ATP13A3: variants seen among roughly 807,000 people sequenced by gnomAD.
The protein encoded by ATP13A3 is ATPase 13A3.
In ATP13A3, 59 loss-of-function variants were observed where a neutral mutation model predicts 158.1. The ratio of observed to expected loss-of-function variants is 0.37; its 90% CI spans 0.30 to 0.46. ATP13A3 has a LOEUF of 0.46. Ranked by LOEUF, ATP13A3 falls within the 20% of genes least tolerant of loss-of-function variation. ATP13A3 has a pLI of 1.00. For synonymous variants in ATP13A3, 491 were observed against 504.3 expected, an observed-to-expected ratio of 0.97 and a Z score of 0.35; for missense variants, 1,166 against 1,525.2, an observed-to-expected ratio of 0.76 and a Z score of 3.92.
At chr3:194,434,594 T>C (rs1452551626) in intron 20 of ATP13A3, among the ~76,000 whole-genome samples, 2 of 152,130 alleles carry the variant, frequency 1.3e-5, no homozygotes, top group African/African-American at 2.4e-5. Flanking sequence ...ATAAAAGAGA[T>C]GAAGTCTGTT....
intron 30 of ATP13A3, among the ~76,000 whole-genome samples, chr3:194,420,898 C>T (rs1270895805): frequency 6.6e-6 from 1 of 150,762 alleles, no homozygotes; most frequent in Non-Finnish European, 1.5e-5. Context: ...TTACTAAGAC[C>T]ACATACAAAA....
At chr3:194,453,067 C>T (rs1718924481) in intron 10 of ATP13A3, 1 of 151,950 alleles carries the variant, frequency 6.6e-6, no homozygotes, top group East Asian at 1.9e-4. Flanking sequence ...AATCTCAAGA[C>T]TGTGGGAGAC....
At chr3:194,425,556 A>G (rs1257657779) in intron 29 of ATP13A3, 27 bp from the exon 30 acceptor site, 3 of 1,564,216 alleles carry the variant, frequency 1.9e-6, no homozygotes, top group Non-Finnish European at 1.7e-6. Flanking sequence ...AAATGTCTGC[A>G]TTAGTAAACA....
At chr3:194,441,278 A>G (rs774523225) in intron 16 of ATP13A3, 33 bp downstream of exon 16, 10 of 1,536,974 alleles carry the variant, frequency 6.5e-6, no homozygotes, top group Middle Eastern at 1.7e-4. Flanking sequence ...TTATTTTCCT[A>G]AAGTTATTTG....
At position 194,454,317 on chromosome 3, in the gene ATP13A3, G is replaced by A; in HGVS notation, c.706C>T (p.Leu236=). 1 of 1,607,406 alleles carries A rather than the reference G, an allele frequency of 6.2e-7. No individual in the cohort carries two copies. The highest frequency in any genetic ancestry group is 8.5e-7 in the Non-Finnish European group (1 of 1,174,182). Residue 236 remains leucine, a synonymous_variant, in exon 9 of 34, where the codon CTA becomes TTA. Transcript: ENST00000645319. ...ACTATGGACATAACCACAATAGCTA[G>A]AGCATAGTAATAGTATTCATCAGTG... The part of the protein sequence containing the change: ...WSTDEYYYYA[L]AIVVMSIVSI...
At chr3:194,484,809 A>C (rs1275630137) in intron 2 of ATP13A3, among the ~76,000 whole-genome samples, 1 of 152,170 alleles carries the variant, frequency 6.6e-6, no homozygotes, top group East Asian at 1.9e-4. Context: ...TAATACCAGC[A>C]CTTTGGGAGG....
At chr3:194,477,568 A>C (rs1304265574) in intron 2 of ATP13A3, among the ~76,000 whole-genome samples, 4 of 152,340 alleles carry the variant, frequency 2.6e-5, no homozygotes, top group South Asian at 2.1e-4. Context: ...TCTTCAGATC[A>C]ACCCTTCCTC....
chr3:194,430,804 C>G, intron 24 of ATP13A3, 139 bp downstream of exon 24: 2 of 602,804 alleles, frequency 3.3e-6, no homozygotes, highest in African/African-American at 1.9e-5. Context: ...ACTTAAAGTT[C>G]TGAACTATCT....
chr3:194,437,636 GAA>G, intron 17 of ATP13A3, 63 bp from the exon 18 acceptor site: 2 of 1,460,750 alleles, frequency 1.4e-6, no homozygotes, highest in Non-Finnish European at 1.8e-6. Context: ...ACTAAAGTTA[GAA>G]AAAGTTTACT....
Position 194,468,386 on chromosome 3 carries a change from T to TAAAAAAAA in ATP13A3, c.-46-6158_-46-6151dup, listed in dbSNP as rs35011462. On this transcript the variant is annotated intron_variant, in intron 2 of 33. Transcript: ENST00000645319. ...ATAAACTTGATTTGCTGTGTGAGTTTAAAAAAAAAAAAAAAAAAACAGTAT... is the reference window on the plus strand; with the variant it reads ...ATAAACTTGATTTGCTGTGTGAGTTTAAAAAAAAAAAAAAAAAAAAAAAAAAACAGTAT... 4.4e-4 allele frequency: 49 copies of TAAAAAAAA among 111,874 alleles called. 1 individual carries two copies. The highest frequency in any genetic ancestry group is 1.8e-3 in the African/African-American group (47 of 25,444). The allele number at this position is 111,874 out of a possible 1,614,324, so 6.9% of individuals were successfully genotyped here.
In ATP13A3 at chr3:194,425,259, G is replaced by A; in HGVS notation, c.3313+83C>T. 2.4e-6 allele frequency: 3 copies of A among 1,264,820 alleles called. 1 individual carries two copies. In the South Asian group the frequency reaches 4.0e-5, roughly 17 times the overall value. 78.3% of individuals were successfully genotyped at this position (1,264,820 alleles called of 1,614,324 possible). ...ATCTGTGAAGATCTGGTTTACTGTG[G>A]CAAAGACAGTTATAATTATTCTCTT... On this transcript the variant is annotated intron_variant, in intron 30 of 33. Transcript: ENST00000645319.
At chr3:194,407,585 A>C (rs886979634) in intron 33 of ATP13A3, among the ~76,000 whole-genome samples, 1 of 152,170 alleles carries the variant, frequency 6.6e-6, no homozygotes, top group South Asian at 2.1e-4. Flanking sequence ...CACCGCTCTC[A>C]ATGTTAAAGG....
At chr3:194,451,121 T>C (rs565015897) in intron 10 of ATP13A3, 27 of 152,296 alleles carry the variant, frequency 1.8e-4, no homozygotes, top group African/African-American at 5.8e-4. Context: ...AAGAAACTTA[T>C]TGTTTGTGAT....
chr3:194,429,936 G>A (rs1456095497), intron 26 of ATP13A3, 136 bp downstream of exon 26: 3 of 971,566 alleles, frequency 3.1e-6, no homozygotes, highest in African/African-American at 3.3e-5. Context: ...CAATCAATCT[G>A]TTACTAATAA....
At chr3:194,457,960 A>C (rs1483979884) in intron 6 of ATP13A3, among the ~76,000 whole-genome samples, 4 of 151,816 alleles carry the variant, frequency 2.6e-5, no homozygotes, top group African/African-American at 9.7e-5. Flanking sequence ...TAATTTTTGT[A>C]ATTTTAGTAG....
At chr3:194,428,556 T>C (rs1228174288) in intron 28 of ATP13A3, among the ~76,000 whole-genome samples, 2 of 152,230 alleles carry the variant, frequency 1.3e-5, no homozygotes, top group Non-Finnish European at 2.9e-5. Context: ...TGTATTTAGT[T>C]ACATAAAAGA....
intron 4 of ATP13A3, 60 bp downstream of exon 4, chr3:194,460,598 T>A (rs1719580453): frequency 3.9e-6 from 6 of 1,526,818 alleles, no homozygotes; most frequent in Non-Finnish European, 4.5e-6. Flanking sequence ...GAATAAAGTA[T>A]ACACAAAGAC....
intron 20 of ATP13A3, among the ~76,000 whole-genome samples, chr3:194,434,480 G>C (rs578178340): frequency 1.3e-5 from 2 of 152,316 alleles, no homozygotes; most frequent in African/African-American, 4.8e-5. Context: ...GTCACTGGGA[G>C]GTTAAAGACA....
At chr3:194,441,605 C>A in intron 15 of ATP13A3, 144 bp from the exon 16 acceptor site, 3 of 725,594 alleles carry the variant, frequency 4.1e-6, no homozygotes, top group South Asian at 2.3e-5. Context: ...TGTCAAGTGT[C>A]AGAAATACAG....
Sources: allele counts gnomAD v4.1 joint callset (sites outside exome capture counted in the v4.1 genomes callset), GRCh38; gene constraint gnomAD v4.1.1; transcripts MANE v1.5; gene names NCBI Gene and HGNC (gene_info 2026-07-23, HGNC 2026-07-21).